Variants in RAB3C observed in about 807,000 individuals in gnomAD.
RAB3C encodes RAB3C, member RAS oncogene family.
Under a neutral mutation model 26.4 loss-of-function variants are expected in RAB3C, and 17 were observed. The observed-to-expected ratio is 0.64, with a 90% CI of 0.44 to 0.97. RAB3C has a LOEUF of 0.97. RAB3C is among the 50% of genes least tolerant of loss of function. RAB3C has a pLI of 0.00. For synonymous variants in RAB3C, 91 were observed against 95.9 expected (o/e 0.95, Z 0.30); for missense variants, 242 against 281.9 (o/e 0.86, Z 1.01).
chr5:58,845,017 C>T (rs1005999205), intron 4 of RAB3C, among the ~76,000 whole-genome samples: 3 of 152,040 alleles, frequency 2.0e-5, no homozygotes, highest in East Asian at 1.9e-4. Flanking sequence ...CTGGAGAAAG[C>T]GGGGGAAGAG....
intron 4 of RAB3C, among the ~76,000 whole-genome samples, chr5:58,836,570 G>A (rs1192158559): frequency 6.6e-6 from 1 of 152,042 alleles, no homozygotes; most frequent in African/African-American, 2.4e-5. Context: ...AGTATCTTCT[G>A]ACTACTTTTT....
At chr5:58,829,167 T>G (rs1180825281) in intron 4 of RAB3C, among the ~76,000 whole-genome samples, 1 of 152,110 alleles carries the variant, frequency 6.6e-6, no homozygotes, top group African/African-American at 2.4e-5. Flanking sequence ...CCTCCCAAAG[T>G]GCTGAGATTA....
chr5:58,789,954 G>A (rs75405499), intron 3 of RAB3C, among the ~76,000 whole-genome samples: 5,723 of 152,242 alleles, frequency 0.038, 122 homozygotes, highest in African/African-American at 0.053. Context: ...TCCACTCCCA[G>A]AGCTTCTGAT....
At position 58,854,036 on chromosome 5, in the gene RAB3C, A is replaced by AACACAC. The variant is rs3835173; in HGVS notation, c.*2718_*2723dup. 7,761 of 142,528 alleles carry AACACAC rather than the reference A, an allele frequency of 0.054. 227 individuals are homozygous for AACACAC. The highest frequency in any genetic ancestry group is 0.13 in the Middle Eastern group (38 of 286). The allele number at this position is 142,528 out of a possible 1,614,324, so 8.8% of individuals were successfully genotyped here. Reference sequence around the variant, plus strand: ...TCCAAGGTTTTTCAGCCTTTTGGCCAACACACACACACACACACACACACA... The same window carrying AACACAC: ...TCCAAGGTTTTTCAGCCTTTTGGCCAACACACACACACACACACACACACACACACA... On this transcript the variant is annotated 3_prime_UTR_variant, in exon 5 of 5. Transcript: ENST00000282878.
intron 3 of RAB3C, among the ~76,000 whole-genome samples, chr5:58,744,876 A>G (rs1741360530): frequency 1.3e-5 from 2 of 152,314 alleles, no homozygotes. Context: ...GAAAGACGTC[A>G]AAATGAATTA....
chr5:58,696,615 T>C (rs934647318), intron 2 of RAB3C, among the ~76,000 whole-genome samples: 2 of 152,354 alleles, frequency 1.3e-5, no homozygotes, highest in South Asian at 2.1e-4. Flanking sequence ...TATTGGTCTA[T>C]TCAGAGATTA....
chr5:58,583,059 A>C, upstream of RAB3C: 1 of 1,477,684 alleles, frequency 6.8e-7, no homozygotes, highest in Non-Finnish European at 8.9e-7. Context: ...GTGCGGCGCC[A>C]GGAGAGGACA....
At chr5:58,663,496 T>G (rs991802981) in intron 2 of RAB3C, among the ~76,000 whole-genome samples, 1 of 150,380 alleles carries the variant, frequency 6.6e-6, no homozygotes, top group African/African-American at 2.5e-5. Flanking sequence ...CTCCTAAGAA[T>G]TTCAAGTTTA....
At chr5:58,836,797 G>A (rs891173787) in intron 4 of RAB3C, among the ~76,000 whole-genome samples, 1 of 152,088 alleles carries the variant, frequency 6.6e-6, no homozygotes, top group African/African-American at 2.4e-5. Flanking sequence ...GGACACTTAG[G>A]TTGATTCCAT....
chr5:58,736,451 C>T (rs1280064281), intron 3 of RAB3C, among the ~76,000 whole-genome samples: 4 of 152,192 alleles, frequency 2.6e-5, no homozygotes, highest in Non-Finnish European at 5.9e-5. Context: ...AAACGAATTC[C>T]TCCTAAGGCA....
intron 2 of RAB3C, among the ~76,000 whole-genome samples, chr5:58,643,450 A>G (rs1182851466): frequency 6.6e-6 from 1 of 152,150 alleles, no homozygotes; most frequent in East Asian, 1.9e-4. Context: ...GGACCCTAGT[A>G]AACTATAACT....
chr5:58,622,939 G>T lies in RAB3C; in HGVS notation c.252+5069G>T, dbSNP rs370346187. Among the ~76,000 whole-genome samples the T allele has an allele frequency of 2.6e-5, 4 of 152,148 alleles. No homozygotes were observed. The East Asian group carries it at 7.7e-4, about 29-fold the overall frequency. On this transcript the variant is annotated intron_variant, in intron 2 of 4. Coordinates refer to ENST00000282878, the MANE Select transcript of RAB3C (RefSeq NM_138453.4). ...GTGATTTGTCAGAAGTTTCAGATCT[G>T]ATATTAAATTCCACATATTTTAATT...
chr5:58,820,007 T>C (rs1167013531), intron 3 of RAB3C, among the ~76,000 whole-genome samples: 2 of 152,190 alleles, frequency 1.3e-5, no homozygotes, highest in African/African-American at 2.4e-5. Context: ...AGTCATACAG[T>C]TATTGGTACG....
chr5:58,819,467 C>T (rs944563273), intron 3 of RAB3C, among the ~76,000 whole-genome samples: 1 of 152,158 alleles, frequency 6.6e-6, no homozygotes, highest in Non-Finnish European at 1.5e-5. Flanking sequence ...TCTAAGTTTT[C>T]CTTGGTTAAA....
Position 58,851,646 on chromosome 5 carries a change from G to T in RAB3C, c.*295G>T. On this transcript the variant is annotated 3_prime_UTR_variant, in exon 5 of 5. Transcript: ENST00000282878. ...CAAATTTGTTCTCAGACTACTTCTG[G>T]GACATCAGACTATAATCTCACTACA... 1 of 284,758 alleles carries T rather than the reference G, an allele frequency of 3.5e-6. No homozygotes were observed. The highest frequency in any genetic ancestry group is 6.5e-6 in the Non-Finnish European group (1 of 153,346). The allele number at this position is 284,758 out of a possible 1,614,324, so 17.6% of individuals were successfully genotyped here. A position where few individuals can be genotyped will look rare whatever the true frequency, so the allele number is the denominator to read the frequency against.
chr5:58,691,206 G>A (rs1406032805), intron 2 of RAB3C, among the ~76,000 whole-genome samples: 1 of 152,068 alleles, frequency 6.6e-6, no homozygotes, highest in Admixed American at 6.6e-5. Flanking sequence ...GCTACTAAAA[G>A]TACAGATTCC....
chr5:58,661,212 C>G (rs910684606), intron 2 of RAB3C, among the ~76,000 whole-genome samples: 1 of 150,116 alleles, frequency 6.7e-6, no homozygotes, highest in Non-Finnish European at 1.5e-5. Context: ...ATGGGCTTTT[C>G]ATTAGAATTT....
At chr5:58,823,706 G>A (rs1404217853) in intron 3 of RAB3C, 7 of 198,454 alleles carry the variant, frequency 3.5e-5, no homozygotes, top group Non-Finnish European at 3.3e-5. Flanking sequence ...AGCAGGCTCT[G>A]AGAGCTAAAA....
chr5:58,714,060 A>G (rs1749118376), intron 2 of RAB3C, among the ~76,000 whole-genome samples: 2 of 152,294 alleles, frequency 1.3e-5, no homozygotes, highest in South Asian at 4.1e-4. Flanking sequence ...CAAAGATGAA[A>G]AGAAGCTCCT....
Sources: allele counts gnomAD v4.1 joint callset (sites outside exome capture counted in the v4.1 genomes callset), GRCh38; gene constraint gnomAD v4.1.1; transcripts MANE v1.5; gene names NCBI Gene and HGNC (gene_info 2026-07-23, HGNC 2026-07-21).